Variants in RC3H1 observed in about 807,000 individuals in gnomAD.
The protein encoded by RC3H1 is roquin-1.
Under a neutral mutation model 138.2 loss-of-function variants are expected in RC3H1, and 50 were observed. The observed-to-expected ratio is 0.36, with a 90% CI of 0.29 to 0.46. The LOEUF is 0.46. Ranked by LOEUF, RC3H1 falls within the 20% of genes least tolerant of loss-of-function variation. The pLI, the probability that RC3H1 is intolerant of heterozygous loss-of-function variation, is 1.00. For missense variants in RC3H1, 1,031 were observed against 1,388.1 expected (o/e 0.74, Z 4.09); for synonymous variants, 462 against 489.1 (o/e 0.94, Z 0.73).
intron 2 of RC3H1, among the ~76,000 whole-genome samples, chr1:173,986,042 G>T (rs1299384922): frequency 6.6e-6 from 1 of 151,974 alleles, no homozygotes; most frequent in Non-Finnish European, 1.5e-5. Flanking sequence ...TTATTTTTGA[G>T]ACGGAGTCTC....
intron 3 of RC3H1, 55 bp downstream of exon 3, chr1:173,984,444 T>C: frequency 1.3e-6 from 2 of 1,562,610 alleles, no homozygotes; most frequent in Non-Finnish European, 1.7e-6. Flanking sequence ...GATTATGTAC[T>C]GAGTATTTAA....
In RC3H1 at chr1:173,932,609, T is replaced by C. The variant is rs1658427024; in HGVS notation, c.*6112A>G. The C allele has an allele frequency of 6.6e-6, 1 of 152,196 alleles. No homozygotes were observed. The highest frequency in any genetic ancestry group is 2.1e-4 in the South Asian group (1 of 4,830). The allele number at this position is 152,196 out of a possible 1,614,324, so 9.4% of individuals were successfully genotyped here. ...TGAACAGGGGAGAAGTGTGAAAATT[T>C]AGGCCAACGATCCATCTGGAAAAAA... is the stretch of plus-strand genomic sequence containing the variant. On this transcript the variant is annotated 3_prime_UTR_variant, in exon 20 of 20. Coordinates refer to ENST00000367696, the MANE Select transcript of RC3H1 (RefSeq NM_172071.4).
rs138466698 is a variant in RC3H1, at chr1:173,949,975, T to C, written c.2523+2011A>G. Among the ~76,000 whole-genome samples the C allele has an allele frequency of 7.0e-3, 1,070 of 152,184 alleles. 17 individuals are homozygous for C. The highest frequency in any genetic ancestry group is 0.025 in the African/African-American group (1,033 of 41,508). ...TGAAGTCAGGAGTTCGAGACGAGCC[T>C]GACCAATATGGTGAAACTCCATCTC... On this transcript the variant is annotated intron_variant, in intron 14 of 19. Coordinates refer to ENST00000367696, the MANE Select transcript of RC3H1 (RefSeq NM_172071.4).
At chr1:173,939,725 C>T (rs559887232) in intron 19 of RC3H1, among the ~76,000 whole-genome samples, 30 of 151,376 alleles carry the variant, frequency 2.0e-4, no homozygotes, top group Non-Finnish European at 4.1e-4. Context: ...GTCCCAGCTA[C>T]TCGGGAGGCT....
chr1:173,981,486 C>T (rs1443959003), intron 5 of RC3H1, among the ~76,000 whole-genome samples: 1 of 152,122 alleles, frequency 6.6e-6, no homozygotes, highest in Non-Finnish European at 1.5e-5. Context: ...CATACTTTAA[C>T]ATATACATTC....
At chr1:174,010,972 G>C (rs1464959912) in intron 1 of RC3H1, among the ~76,000 whole-genome samples, 1 of 152,070 alleles carries the variant, frequency 6.6e-6, no homozygotes, top group Non-Finnish European at 1.5e-5. Context: ...CAATCATGGG[G>C]GAATAGGTGC....
rs1287960604 is a variant in RC3H1, at chr1:173,941,327, T to G, written c.3189A>C (p.Ala1063=). 6.2e-7 allele frequency: 1 copy of G among 1,614,046 alleles called. No homozygotes were observed. Among genetic ancestry groups the G allele is most frequent in the South Asian group, 1.1e-5 (1 of 91,082 alleles). ...TTTGTGGTTCTGGTTGTCCATTTTCTGCTTGTTTACTTGTATTCAGTTTGC... is the reference window on the plus strand; with the variant it reads ...TTTGTGGTTCTGGTTGTCCATTTTCGGCTTGTTTACTTGTATTCAGTTTGC... ...MKSKLNTSKQ[A]ENGQPEPQNK... is the part of the protein sequence containing the mutation. The change falls in exon 19 of 20, where the codon GCA becomes GCC. Residue 1063 remains alanine (A), a synonymous_variant. Coordinates refer to ENST00000367696, the MANE Select transcript of RC3H1 (RefSeq NM_172071.4).
rs1480181623 is a variant in RC3H1 at position 173,961,058 on chromosome 1, C to A, written c.2370+19G>T. 6.2e-7 allele frequency: 1 copy of A among 1,609,418 alleles called. No individual in the cohort carries two copies. ...CACAAAAAAACACGGATAAATGAGACTAAAAATGATTTGCTTACTTCTTCC... is the reference window on the plus strand; with the variant it reads ...CACAAAAAAACACGGATAAATGAGAATAAAAATGATTTGCTTACTTCTTCC... On this transcript the variant is annotated intron_variant, in intron 13 of 19. Transcript: ENST00000367696.
intron 9 of RC3H1, among the ~76,000 whole-genome samples, chr1:173,965,763 A>C (rs1660088941): frequency 6.6e-6 from 1 of 152,238 alleles, no homozygotes; most frequent in Non-Finnish European, 1.5e-5. Context: ...GCCTTGGGAT[A>C]CAATGAGCCA....
intron 5 of RC3H1, among the ~76,000 whole-genome samples, chr1:173,982,214 T>C (rs992988357): frequency 6.6e-6 from 1 of 152,040 alleles, no homozygotes; most frequent in Non-Finnish European, 1.5e-5. Flanking sequence ...ACCCCGTCTC[T>C]ACCAAAAATA....
At chr1:173,993,398 A>C (rs1661375194) in intron 1 of RC3H1, among the ~76,000 whole-genome samples, 1 of 146,402 alleles carries the variant, frequency 6.8e-6, no homozygotes, top group Non-Finnish European at 1.5e-5. Context: ...CTAGTCTCTT[A>C]AGTTTATCTA....
intron 13 of RC3H1, among the ~76,000 whole-genome samples, chr1:173,959,340 A>T (rs1171082983): frequency 1.3e-5 from 2 of 152,234 alleles, no homozygotes; most frequent in African/African-American, 4.8e-5. Context: ...ATTCTATTTA[A>T]AATAGTTTCA....
chr1:173,939,586 C>T (rs954568913), intron 19 of RC3H1, among the ~76,000 whole-genome samples: 1 of 143,556 alleles, frequency 7.0e-6, no homozygotes, highest in Non-Finnish European at 1.5e-5. Context: ...CCTGTAATCC[C>T]AGCACTTTGG....
At chr1:173,966,699 A>G (rs1367099302) in intron 9 of RC3H1, among the ~76,000 whole-genome samples, 1 of 151,980 alleles carries the variant, frequency 6.6e-6, no homozygotes. Context: ...TGGGCGACAG[A>G]GCGAGACCCT....
chr1:174,013,807 G>C (rs1200830568), intron 1 of RC3H1, among the ~76,000 whole-genome samples: 1 of 152,058 alleles, frequency 6.6e-6, no homozygotes, highest in Admixed American at 6.5e-5. Context: ...GCCAGGCACA[G>C]TGGCTCACGC....
At chr1:173,990,071 A>G (rs1225824447) in intron 2 of RC3H1, among the ~76,000 whole-genome samples, 1 of 150,486 alleles carries the variant, frequency 6.6e-6, no homozygotes, top group Non-Finnish European at 1.5e-5. Context: ...GTAGTCTTCA[A>G]AATATAGTTT....
At chr1:173,995,162 G>A (rs540855486) in intron 1 of RC3H1, among the ~76,000 whole-genome samples, 5 of 152,234 alleles carry the variant, frequency 3.3e-5, no homozygotes, top group South Asian at 2.1e-4. Context: ...GTTAAGGGAA[G>A]AATAATGTTT....
chr1:173,962,165 T>A, intron 11 of RC3H1, 70 bp from the exon 12 acceptor site: 1 of 1,376,128 alleles, frequency 7.3e-7, no homozygotes, highest in East Asian at 2.3e-5. Flanking sequence ...AGATTTTACC[T>A]TTTAAAATAC....
chr1:174,001,552 T>C (rs1311565602), intron 1 of RC3H1, among the ~76,000 whole-genome samples: 1 of 152,150 alleles, frequency 6.6e-6, no homozygotes, highest in Non-Finnish European at 1.5e-5. Flanking sequence ...GTTCAAGCCA[T>C]TCTCATGCAG....
Sources: gnomAD v4.1 joint callset for allele counts (sites outside exome capture counted in the v4.1 genomes callset) on GRCh38, gnomAD v4.1.1 for gene constraint, MANE v1.5 for transcripts, NCBI Gene and HGNC (gene_info 2026-07-23, HGNC 2026-07-21) for gene names.